Variants in HDAC2 observed in about 807,000 individuals in gnomAD.
HDAC2 encodes YY1-associated factor 1.
In HDAC2, 5 loss-of-function variants were observed where a neutral mutation model predicts 68.5. The observed-to-expected ratio is 0.07, with a 90% CI of 0.04 to 0.15. The LOEUF (loss-of-function observed/expected upper bound fraction) is 0.15, where lower values mean the gene tolerates loss of function less well. Ranked by LOEUF, HDAC2 falls within the 10% of genes least tolerant of loss-of-function variation. The pLI is 1.00. For missense variants in HDAC2, 291 were observed against 600.8 expected (o/e 0.48, Z 5.39); for synonymous variants, 182 against 191.3 (o/e 0.95, Z 0.40).
intron 6 of HDAC2, among the ~76,000 whole-genome samples, chr6:113,951,961 A>G (rs572783400): frequency 6.6e-6 from 1 of 152,350 alleles, no homozygotes; most frequent in South Asian, 2.1e-4. Context: ...GAGATAAACT[A>G]GCATCACACT....
chr6:113,947,269 G>A (rs932043282), intron 8 of HDAC2: 3 of 152,024 alleles, frequency 2.0e-5, no homozygotes, highest in Admixed American at 2.0e-4. Context: ...GACTCGAAAG[G>A]GATTTTTTTA....
intron 1 of HDAC2, chr6:113,968,364 T>C (rs1324691440): frequency 6.6e-6 from 1 of 152,204 alleles, no homozygotes; most frequent in Non-Finnish European, 1.5e-5. Context: ...AGAAGCTCCT[T>C]TCCTTGCATT....
intron 5 of HDAC2, among the ~76,000 whole-genome samples, chr6:113,954,087 G>A (rs1238026015): frequency 6.6e-6 from 1 of 152,216 alleles, no homozygotes; most frequent in Non-Finnish European, 1.5e-5. Flanking sequence ...ACAGATTAGT[G>A]ACACAGTTGT....
chr6:113,951,554 G>A (rs1324057070), intron 6 of HDAC2, among the ~76,000 whole-genome samples: 3 of 147,068 alleles, frequency 2.0e-5, no homozygotes, highest in South Asian at 4.3e-4. Context: ...AGCAAGCTCC[G>A]CCTCCCGGGT....
chr6:113,950,501 T>C (rs1194184457), intron 6 of HDAC2, among the ~76,000 whole-genome samples: 4 of 151,868 alleles, frequency 2.6e-5, no homozygotes, highest in African/African-American at 9.7e-5. Context: ...CAAACAATTC[T>C]CCTGTCTCGG....
chr6:113,967,268 A>ACTGGTGC (rs1776845987), intron 1 of HDAC2, among the ~76,000 whole-genome samples: 6 of 152,114 alleles, frequency 3.9e-5, no homozygotes, highest in Admixed American at 3.9e-4. Flanking sequence ...AACTGGGACT[A>ACTGGTGC]CTGGTGCCTG....
intron 12 of HDAC2, among the ~76,000 whole-genome samples, chr6:113,942,874 A>G (rs1776169328): frequency 2.0e-5 from 3 of 152,284 alleles, no homozygotes; most frequent in Admixed American, 1.3e-4. Flanking sequence ...AGCTTTCCTC[A>G]GAGTTTTTAA....
chr6:113,948,781 T>C, intron 8 of HDAC2, 198 bp downstream of exon 8: 1 of 528,290 alleles, frequency 1.9e-6, no homozygotes, highest in Non-Finnish European at 3.2e-6. Flanking sequence ...ACTAGTCTTG[T>C]ATAAATGTAT....
At chr6:113,969,214 A>G (rs1776913392) in intron 1 of HDAC2, among the ~76,000 whole-genome samples, 1 of 152,230 alleles carries the variant, frequency 6.6e-6, no homozygotes, top group Non-Finnish European at 1.5e-5. Flanking sequence ...ATCAACTTAT[A>G]TAATGCATAT....
chr6:113,966,326 G>T (rs1413737887), intron 1 of HDAC2, among the ~76,000 whole-genome samples: 1 of 152,066 alleles, frequency 6.6e-6, no homozygotes, highest in Non-Finnish European at 1.5e-5. Flanking sequence ...GAGGTGGGTG[G>T]ATCACCCCAG....
At chr6:113,963,564 T>C (rs1045183936) in intron 1 of HDAC2, among the ~76,000 whole-genome samples, 1 of 152,260 alleles carries the variant, frequency 6.6e-6, no homozygotes, top group Non-Finnish European at 1.5e-5. Context: ...AAATCTGAAC[T>C]GTTTTGAGCA....
At chr6:113,960,291 T>C (rs1256476616) in intron 1 of HDAC2, among the ~76,000 whole-genome samples, 2 of 151,996 alleles carry the variant, frequency 1.3e-5, no homozygotes, top group East Asian at 3.8e-4. Context: ...TACCCCCAAT[T>C]TTTAAAATTT....
intron 12 of HDAC2, among the ~76,000 whole-genome samples, chr6:113,942,772 A>G (rs745960834): frequency 3.3e-5 from 5 of 152,206 alleles, no homozygotes; most frequent in Non-Finnish European, 7.4e-5. Flanking sequence ...CCGGTAGCAA[A>G]TTCAATTGCC....
Position 113,941,780 on chromosome 6 carries a change from TG to T in HDAC2, c.1379-16del. ...TTCCTTAACGTCTAAAAATAAAGAT[TG>T]GGAAAAGATTAAAACCTATTTTGAA... On this transcript the variant is annotated splice_polypyrimidine_tract_variant and intron_variant, in intron 12 of 13. Coordinates refer to ENST00000519065, the MANE Select transcript of HDAC2 (RefSeq NM_001527.4). 8.6e-7 allele frequency: 1 copy of T among 1,166,010 alleles called. No homozygotes were observed. Among genetic ancestry groups the T allele is most frequent in the Non-Finnish European group, 1.2e-6 (1 of 827,336 alleles). The allele number at this position is 1,166,010 out of a possible 1,614,324, so 72.2% of individuals were successfully genotyped here.
Position 113,958,647 on chromosome 6 carries a change from A to C in HDAC2, c.283+2T>G. On this transcript the variant is annotated splice_donor_variant, in intron 3 of 13. Transcript: ENST00000519065. LOFTEE classifies it high-confidence loss of function. ...AAAACTACTTTTTACTTAGAAACGT[A>C]CATCTCTGCATCTGCTTACTATACT... 1 of 1,401,058 alleles carries C rather than the reference A, an allele frequency of 7.1e-7. No homozygotes were observed. Among genetic ancestry groups the C allele is most frequent in the Non-Finnish European group, 1.0e-6 (1 of 999,436 alleles). 86.8% of individuals were successfully genotyped at this position (1,401,058 alleles called of 1,614,324 possible).
chr6:113,970,962 T>C lies in HDAC2; in HGVS notation c.-54A>G, dbSNP rs1771219127. On this transcript the variant is annotated 5_prime_UTR_variant, in exon 1 of 14. Transcript: ENST00000519065. ...CTCCTCCTCCTGCTGCTGCTGCTGC[T>C]GCTGCTGCCGCCGCGGCTCGGCCGG... The C allele has an allele frequency of 2.6e-6, 4 of 1,563,504 alleles. No individual in the cohort carries two copies. Among genetic ancestry groups the C allele is most frequent in the East Asian group, 4.7e-5 (2 of 42,192 alleles).
At chr6:113,969,024 G>A (rs1244547707) in intron 1 of HDAC2, among the ~76,000 whole-genome samples, 1 of 152,092 alleles carries the variant, frequency 6.6e-6, no homozygotes, top group African/African-American at 2.4e-5. Flanking sequence ...GCCCTGACAA[G>A]GATAAATCTC....
At position 113,948,987 on chromosome 6, in the gene HDAC2, G is replaced by A; in HGVS notation, c.833C>T (p.Thr278Ile). Residue 278 changes from threonine (T) to isoleucine (I), a missense_variant, in exon 8 of 14, where the codon ACA becomes ATA. Around this residue, in one of 2 missense-constraint regions of HDAC2, gnomAD observed 154 missense variants for 472.1 expected, o/e 0.33. Coordinates refer to ENST00000519065, the MANE Select transcript of HDAC2 (RefSeq NM_001527.4). ...CCCTTTGAATTGCTTACCTTTGACT[G>A]TTAGATTGAAACAACCCAGTCTATC... ...SGDRLGCFNL[T>I]VKGHAKCVEV... The A allele has an allele frequency of 6.2e-7, 1 of 1,613,698 alleles. No individual in the cohort carries two copies. Among genetic ancestry groups the A allele is most frequent in the Non-Finnish European group, 8.5e-7 (1 of 1,179,852 alleles).
At chr6:113,970,702 TCTAA>T (rs1224396751) in intron 1 of HDAC2, 151 bp downstream of exon 1, 16 of 1,387,878 alleles carry the variant, frequency 1.2e-5, no homozygotes, top group Non-Finnish European at 1.4e-5. Context: ...AGGGTCTCGT[TCTAA>T]CTGTGCCGGG....
Sources: allele counts gnomAD v4.1 joint callset (sites outside exome capture counted in the v4.1 genomes callset), GRCh38; gene constraint gnomAD v4.1.1; regional missense constraint gnomAD v4.1.1; transcripts MANE v1.5; gene names NCBI Gene and HGNC (gene_info 2026-07-23, HGNC 2026-07-21).